Variants in USP28 observed in about 807,000 individuals in gnomAD.
The protein encoded by USP28 is ubiquitin specific peptidase 28, also known as ubiquitin carboxyl-terminal hydrolase 28.
USP28 carries 113 observed loss-of-function variants against 145.0 expected under a neutral mutation model. The ratio of observed to expected loss-of-function variants is 0.78; its 90% CI spans 0.67 to 0.91. The LOEUF (loss-of-function observed/expected upper bound fraction) is 0.91. USP28 is among the 40% of genes least tolerant of loss of function. USP28 has a pLI of 0.00. For missense variants in USP28, 1,201 were observed against 1,289.6 expected, an observed-to-expected ratio of 0.93 and a Z score of 1.05; for synonymous variants, 447 against 450.9, an observed-to-expected ratio of 0.99 and a Z score of 0.11.
intron 16 of USP28, among the ~76,000 whole-genome samples, chr11:113,810,771 TTCAAGCAATTCTCCTGC>T (rs1940850201): frequency 6.6e-6 from 1 of 152,156 alleles, no homozygotes; most frequent in Non-Finnish European, 1.5e-5. Flanking sequence ...GCCTCCCAGG[TTCAAGCAATTCTCCTGC>T]CTCAGCCTCC....
At chr11:113,815,254 C>T (rs779166732) in exon 14 of USP28, 10 of 1,614,128 alleles carry the variant, frequency 6.2e-6, no homozygotes, top group Admixed American at 5.0e-5. Context: ...TGTGACTGTT[C>T]GTGGAGCTGG....
intron 24 of USP28, among the ~76,000 whole-genome samples, chr11:113,799,773 TAC>T (rs1938611531): frequency 6.6e-6 from 1 of 152,218 alleles, no homozygotes; most frequent in African/African-American, 2.4e-5. Flanking sequence ...ATCAGGGGTG[TAC>T]AGTCTTTTGG....
At chr11:113,863,286 C>T (rs1339674553) in intron 1 of USP28, among the ~76,000 whole-genome samples, 1 of 152,054 alleles carries the variant, frequency 6.6e-6, no homozygotes. Context: ...CAATAGCATC[C>T]TAAAGAATAA....
chr11:113,837,667 C>T (rs900271262), intron 5 of USP28, among the ~76,000 whole-genome samples: 6 of 152,148 alleles, frequency 3.9e-5, no homozygotes, highest in African/African-American at 1.2e-4. Context: ...TCTTAACTAC[C>T]CTTCATTAAA....
At chr11:113,819,298 A>T (rs1942249297) in intron 12 of USP28, among the ~76,000 whole-genome samples, 1 of 151,842 alleles carries the variant, frequency 6.6e-6, no homozygotes, top group African/African-American at 2.4e-5. Context: ...TTTTTAGTAG[A>T]GATGGGGTTT....
intron 5 of USP28, among the ~76,000 whole-genome samples, chr11:113,839,395 G>A (rs1345057618): frequency 1.3e-5 from 2 of 152,160 alleles, no homozygotes; most frequent in South Asian, 2.1e-4. Context: ...GACCAGCATG[G>A]CCAACATGAT....
At position 113,852,753 on chromosome 11, in the gene USP28, A is replaced by G; in HGVS notation, c.136-120T>C. ...GTACTTTCAGGCATAATTCTAGGGTAGAATTATGAGACTATGGTGGACAGT... is the reference window on the plus strand; with the variant it reads ...GTACTTTCAGGCATAATTCTAGGGTGGAATTATGAGACTATGGTGGACAGT... On this transcript the variant is annotated intron_variant, in intron 2 of 24. Coordinates refer to ENST00000003302, the Ensembl canonical transcript of USP28. 5 of 1,127,752 alleles carry G rather than the reference A, an allele frequency of 4.4e-6. No homozygotes were observed. The South Asian group carries it at 7.5e-5, about 17-fold the overall frequency. The allele number at this position is 1,127,752 out of a possible 1,614,324, so 69.9% of individuals were successfully genotyped here.
At chr11:113,820,243 A>C (rs1460326183) in intron 12 of USP28, 1 of 152,182 alleles carries the variant, frequency 6.6e-6, no homozygotes, top group Middle Eastern at 3.2e-3. Context: ...CTTCCAAGCT[A>C]CTGTCTTACC....
chr11:113,830,584 G>A (rs112730054), intron 9 of USP28, among the ~76,000 whole-genome samples: 1 of 152,106 alleles, frequency 6.6e-6, no homozygotes, highest in African/African-American at 2.4e-5. Flanking sequence ...AGAGAAAACC[G>A]AGTAAAATCA....
At chr11:113,875,478 G>A (rs1400864679) in exon 1 of USP28, 11 of 1,230,626 alleles carry the variant, frequency 8.9e-6, no homozygotes, top group South Asian at 5.0e-5. Flanking sequence ...CGGCCGCGTC[G>A]TCCTGCTGCA....
exon 18 of USP28, chr11:113,808,366 T>C: frequency 6.2e-7 from 1 of 1,614,060 alleles, no homozygotes; most frequent in African/African-American, 1.3e-5. Context: ...GCCTGGGCAG[T>C]TTGCTCCTTT....
At chr11:113,821,925 A>G (rs1942666772) in intron 12 of USP28, 1 of 150,544 alleles carries the variant, frequency 6.6e-6, no homozygotes, top group African/African-American at 2.5e-5. Flanking sequence ...GGGGTGGGGG[A>G]GTGGGGGAAT....
In USP28 at chr11:113,833,576, A is replaced by C. The variant is rs1392516134; in HGVS notation, c.622-19T>G. 9 of 1,596,414 alleles carry C rather than the reference A, an allele frequency of 5.6e-6. No homozygotes were observed. In the African/African-American group the frequency reaches 6.9e-5, roughly 12 times the overall value. ...TCTTTTCCTGTAGAAAACACAGTACATGTACTCTTACAATATCTCATTTAG... is the reference window on the plus strand; with the variant it reads ...TCTTTTCCTGTAGAAAACACAGTACCTGTACTCTTACAATATCTCATTTAG... On this transcript the variant is annotated intron_variant, in intron 6 of 24. Coordinates refer to ENST00000003302, the Ensembl canonical transcript of USP28.
intron 1 of USP28, among the ~76,000 whole-genome samples, chr11:113,874,309 G>C (rs934003881): frequency 4.0e-5 from 6 of 150,562 alleles, no homozygotes. Context: ...AAAATTAGCC[G>C]GGCCGGTGGC....
intron 1 of USP28, among the ~76,000 whole-genome samples, chr11:113,863,651 A>G (rs1233458048): frequency 1.4e-5 from 2 of 147,484 alleles, no homozygotes; most frequent in East Asian, 4.2e-4. Flanking sequence ...CTCAAAAAAA[A>G]AAAAAAAAAT....
At position 113,804,630 on chromosome 11, in the gene USP28, G is replaced by C. The variant is rs753107826; in HGVS notation, c.2658+43C>G. On this transcript the variant is annotated intron_variant, in intron 21 of 24. Transcript: ENST00000003302. Reference sequence around the variant, plus strand: ...TTGCCTCAGGTACCATTTACCTCAGGAATTAATGTTTTTGCTCTATAGACT... The same window carrying C: ...TTGCCTCAGGTACCATTTACCTCAGCAATTAATGTTTTTGCTCTATAGACT... The C allele has an allele frequency of 2.6e-6, 4 of 1,563,870 alleles. No individual in the cohort carries two copies. In the African/African-American group the frequency reaches 4.2e-5, roughly 16 times the overall value.
intron 1 of USP28, among the ~76,000 whole-genome samples, chr11:113,856,827 C>T (rs544167575): frequency 1.3e-5 from 2 of 152,262 alleles, no homozygotes; most frequent in East Asian, 3.9e-4. Flanking sequence ...ATTCTCCTGC[C>T]TCAGCCTCCC....
chr11:113,803,334 G>A (rs904919323), intron 22 of USP28, 53 bp from the exon 24 acceptor site: 1 of 1,553,712 alleles, frequency 6.4e-7, no homozygotes, highest in Non-Finnish European at 8.7e-7. Flanking sequence ...CTAAAATCTA[G>A]GGCTTAGACC....
intron 10 of USP28, 46 bp from the exon 11 acceptor site, chr11:113,827,406 G>A (rs1315937063): frequency 6.5e-7 from 1 of 1,529,420 alleles, no homozygotes; most frequent in Non-Finnish European, 8.8e-7. Context: ...ATTAATTTTA[G>A]GAAATTACAA....
Sources: allele counts gnomAD v4.1 joint callset (sites outside exome capture counted in the v4.1 genomes callset), GRCh38; gene constraint gnomAD v4.1.1; transcripts MANE v1.5; gene names NCBI Gene and HGNC (gene_info 2026-07-23, HGNC 2026-07-21).